The following MMS22L variants were observed in gnomAD, a reference collection of about 807,000 sequenced individuals.
MMS22L encodes the protein protein MMS22-like.
MMS22L carries 74 observed loss-of-function variants against 159.1 expected under a neutral mutation model. The ratio of observed to expected loss-of-function variants is 0.47; its 90% CI spans 0.39 to 0.56. The LOEUF is 0.56. MMS22L is among the 20% of genes least tolerant of loss of function. The probability of loss-of-function intolerance (pLI) is 0.00; values close to 1 mark genes in which losing one functional copy is unlikely to be tolerated. For missense variants in MMS22L, 1,351 were observed against 1,422.1 expected, an observed-to-expected ratio of 0.95 and a Z score of 0.80; for synonymous variants, 517 against 506.9, an observed-to-expected ratio of 1.02 and a Z score of -0.27.
chr6:97,221,352 C>A (rs958756307), intron 14 of MMS22L, among the ~76,000 whole-genome samples: 1 of 151,826 alleles, frequency 6.6e-6, no homozygotes, highest in Non-Finnish European at 1.5e-5. Flanking sequence ...AATTCCTATG[C>A]GTGAAAAACT....
chr6:97,159,070 T>C (rs1294991904), intron 22 of MMS22L, among the ~76,000 whole-genome samples: 2 of 152,162 alleles, frequency 1.3e-5, no homozygotes, highest in East Asian at 1.9e-4. Context: ...AATGGCCTTG[T>C]CTCTTTTGAT....
At chr6:97,148,825 G>A (rs1801046929) in intron 24 of MMS22L, among the ~76,000 whole-genome samples, 1 of 151,490 alleles carries the variant, frequency 6.6e-6, no homozygotes, top group Admixed American at 6.6e-5. Context: ...TACAGTAATG[G>A]CCTAGGCCTT....
At chr6:97,274,845 TAA>T (rs1816101861) in intron 4 of MMS22L, among the ~76,000 whole-genome samples, 1 of 152,082 alleles carries the variant, frequency 6.6e-6, no homozygotes, top group Non-Finnish European at 1.5e-5. Context: ...CAATTCCCTA[TAA>T]AGAGTACACA....
At chr6:97,190,393 GTTTTA>G (rs896316416) in intron 14 of MMS22L, among the ~76,000 whole-genome samples, 1 of 152,104 alleles carries the variant, frequency 6.6e-6, no homozygotes, top group African/African-American at 2.4e-5. Context: ...CTTGGCAATT[GTTTTA>G]TTTGAGTAAA....
intron 10 of MMS22L, among the ~76,000 whole-genome samples, chr6:97,252,375 C>A (rs1813329360): frequency 6.6e-6 from 1 of 152,024 alleles, no homozygotes; most frequent in South Asian, 2.1e-4. Context: ...CCTGTAATCC[C>A]AGCACTTTTG....
intron 11 of MMS22L, among the ~76,000 whole-genome samples, chr6:97,235,774 A>C (rs1260207251): frequency 1.3e-5 from 2 of 152,188 alleles, no homozygotes; most frequent in East Asian, 3.9e-4. Context: ...GTGAAAATAC[A>C]CAAACAATAA....
At position 97,254,605 on chromosome 6, in the gene MMS22L, A is replaced by G. The variant is rs116019455; in HGVS notation, c.1071T>C (p.His357=). The G allele has an allele frequency of 3.4e-3, 5,423 of 1,613,686 alleles. 158 individuals carry two copies. In the African/African-American group the frequency reaches 0.063, roughly 19 times the overall value. ...PLGFSWWIIT[H]VASFYKFDRH... is the part of the protein sequence containing the mutation. ...GATCAAACTTGTAAAATGATGCTAC[A>G]TGAGTAATAATCCACCAACTAAAAC... is the stretch of plus-strand genomic sequence containing the variant. The change falls in exon 10 of 25, where the codon CAT becomes CAC. Residue 357 remains histidine, a synonymous_variant. Transcript: ENST00000683635.
intron 14 of MMS22L, among the ~76,000 whole-genome samples, chr6:97,193,971 C>T (rs1293692005): frequency 6.6e-6 from 1 of 152,084 alleles, no homozygotes; most frequent in African/African-American, 2.4e-5. Flanking sequence ...CCGTGTTAGC[C>T]AGGATGGTCT....
intron 19 of MMS22L, among the ~76,000 whole-genome samples, chr6:97,170,483 G>C (rs893091659): frequency 1.0e-4 from 15 of 150,514 alleles, no homozygotes; most frequent in African/African-American, 3.4e-4. Context: ...TCTTTTTCTG[G>C]CTATAAATAT....
At chr6:97,262,657 C>CAA (rs71012591) in intron 9 of MMS22L, among the ~76,000 whole-genome samples, 21,952 of 105,762 alleles carry the variant, frequency 0.21, 2,662 homozygotes, top group East Asian at 0.53. Context: ...AAGACTGCCT[C>CAA]AAAAAAAAAA....
intron 15 of MMS22L, among the ~76,000 whole-genome samples, chr6:97,183,511 C>T (rs780979180): frequency 6.6e-6 from 1 of 152,146 alleles, no homozygotes; most frequent in Non-Finnish European, 1.5e-5. Flanking sequence ...ATTCCTATGA[C>T]ATTTCCCTAG....
intron 11 of MMS22L, 80 bp from the exon 12 acceptor site, chr6:97,234,060 T>C (rs34161552): frequency 0.047 from 67,514 of 1,445,546 alleles, 2,733 homozygotes; most frequent in African/African-American, 0.21. Flanking sequence ...GTGCTGTATA[T>C]AACCTGCAGC....
chr6:97,175,163 A>C (rs1185243875), intron 18 of MMS22L, among the ~76,000 whole-genome samples: 1 of 152,236 alleles, frequency 6.6e-6, no homozygotes, highest in African/African-American at 2.4e-5. Flanking sequence ...CATTACATGT[A>C]AGTAACATAT....
At chr6:97,260,326 C>T (rs1465919976) in intron 9 of MMS22L, 1 of 152,168 alleles carries the variant, frequency 6.6e-6, no homozygotes, top group Non-Finnish European at 1.5e-5. Context: ...TGCCTACCTT[C>T]CATCTCAACC....
At chr6:97,261,746 T>C (rs2128073092) in intron 9 of MMS22L, 1 of 152,274 alleles carries the variant, frequency 6.6e-6, no homozygotes, top group East Asian at 1.9e-4. Flanking sequence ...TGGAAGGTTA[T>C]GTAGGGAGAT....
At chr6:97,224,237 C>T (rs932806910) in intron 14 of MMS22L, among the ~76,000 whole-genome samples, 1 of 152,156 alleles carries the variant, frequency 6.6e-6, no homozygotes, top group East Asian at 1.9e-4. Flanking sequence ...CTTAACTTCA[C>T]TTTATATAAT....
intron 14 of MMS22L, among the ~76,000 whole-genome samples, chr6:97,215,727 G>A (rs778364227): frequency 4.6e-5 from 7 of 151,696 alleles, no homozygotes; most frequent in Non-Finnish European, 7.4e-5. Flanking sequence ...AATAATACTC[G>A]CACTCACTGT....
chr6:97,243,463 T>C (rs1399436108), intron 11 of MMS22L, among the ~76,000 whole-genome samples: 1 of 152,174 alleles, frequency 6.6e-6, no homozygotes, highest in African/African-American at 2.4e-5. Context: ...TATATTTCTC[T>C]GGAGATCTTT....
upstream of MMS22L, chr6:97,283,506 C>T (rs1816961051): frequency 6.6e-6 from 1 of 152,294 alleles, no homozygotes; most frequent in African/African-American, 2.4e-5. Flanking sequence ...AAGTGAGTGC[C>T]TCGTTCACAC....
Sources: allele counts gnomAD v4.1 joint callset (sites outside exome capture counted in the v4.1 genomes callset), GRCh38; gene constraint gnomAD v4.1.1; transcripts MANE v1.5; gene names NCBI Gene and HGNC (gene_info 2026-07-23, HGNC 2026-07-21).